The following PRKD1 variants were observed in gnomAD, a reference collection of about 807,000 sequenced individuals.
PRKD1 encodes the protein protein kinase D1, also known as serine/threonine-protein kinase D1.
A neutral mutation model predicts 95.9 loss-of-function variants in PRKD1; 63 were observed. That is an observed-to-expected ratio of 0.66 (90% confidence interval 0.54 to 0.81). PRKD1 has a LOEUF of 0.81. PRKD1 is among the 30% of genes least tolerant of loss of function. The pLI is 0.00. For missense variants in PRKD1, 1,048 were observed against 1,165.3 expected (o/e 0.90, Z 1.47); for synonymous variants, 425 against 423.1 (o/e 1.00, Z -0.05).
Position 29,878,768 on chromosome 14 carries a change from G to A in PRKD1, c.264+48481C>T, listed in dbSNP as rs1378847348. ...GGGGCTGAAGGGAGGACAGGAATGGGGAATTATTGCTTAATAGGTACACAA... is the reference window on the plus strand; with the variant it reads ...GGGGCTGAAGGGAGGACAGGAATGGAGAATTATTGCTTAATAGGTACACAA... On this transcript the variant is annotated intron_variant, in intron 1 of 17. Coordinates refer to ENST00000331968, the MANE Select transcript of PRKD1 (RefSeq NM_002742.3). Among the ~76,000 whole-genome samples, 6 of 152,038 alleles carry A rather than the reference G, an allele frequency of 3.9e-5. 1 individual carries two copies. The South Asian group carries it at 6.2e-4, about 16-fold the overall frequency.
intron 1 of PRKD1, among the ~76,000 whole-genome samples, chr14:29,912,536 A>G (rs1894752030): frequency 6.6e-6 from 1 of 152,228 alleles, no homozygotes. Context: ...TAATAGGTAT[A>G]ACTCACATAT....
chr14:29,659,875 A>G (rs1882095407), intron 4 of PRKD1, among the ~76,000 whole-genome samples: 1 of 152,154 alleles, frequency 6.6e-6, no homozygotes, highest in Admixed American at 6.5e-5. Context: ...TGTATTGAAA[A>G]TGTCTTCTCC....
chr14:29,883,345 C>A (rs1464436593), intron 1 of PRKD1, among the ~76,000 whole-genome samples: 2 of 152,134 alleles, frequency 1.3e-5, no homozygotes, highest in African/African-American at 4.8e-5. Context: ...ACAGTGTCTC[C>A]AGTTTCTTTC....
intron 1 of PRKD1, among the ~76,000 whole-genome samples, chr14:29,802,115 G>T (rs910489355): frequency 6.6e-6 from 1 of 152,040 alleles, no homozygotes; most frequent in African/African-American, 2.4e-5. Context: ...GAGAGAGGGT[G>T]GGAAAGAGGG....
chr14:29,677,115 T>C (rs912982632), intron 2 of PRKD1, among the ~76,000 whole-genome samples: 5 of 152,210 alleles, frequency 3.3e-5, no homozygotes, highest in Admixed American at 3.3e-4. Context: ...ATAGCCGGTA[T>C]ATACAACATA....
intron 4 of PRKD1, among the ~76,000 whole-genome samples, chr14:29,649,710 T>C (rs1881366965): frequency 6.6e-6 from 1 of 152,234 alleles, no homozygotes; most frequent in Non-Finnish European, 1.5e-5. Context: ...GTTATTTTAA[T>C]TCATACAGGG....
At chr14:29,784,330 C>A (rs904850746) in intron 1 of PRKD1, among the ~76,000 whole-genome samples, 3 of 152,040 alleles carry the variant, frequency 2.0e-5, no homozygotes, top group African/African-American at 7.2e-5. Context: ...TAGTGTGATG[C>A]CTCCAGCTTT....
intron 1 of PRKD1, among the ~76,000 whole-genome samples, chr14:29,802,134 A>C (rs528160928): frequency 1.1e-4 from 16 of 152,298 alleles, no homozygotes; most frequent in African/African-American, 3.6e-4. Flanking sequence ...GGAAGGAGAG[A>C]ATTAATAAAT....
At chr14:29,648,642 T>G (rs1457192847) in intron 4 of PRKD1, among the ~76,000 whole-genome samples, 1 of 152,154 alleles carries the variant, frequency 6.6e-6, no homozygotes, top group African/African-American at 2.4e-5. Context: ...ACAAAGTCTT[T>G]TATAAAACTG....
chr14:29,821,472 G>C (rs568275690), intron 1 of PRKD1, among the ~76,000 whole-genome samples: 2 of 152,144 alleles, frequency 1.3e-5, no homozygotes, highest in Non-Finnish European at 1.5e-5. Context: ...CCTGTTTTCT[G>C]TTCTATCTGA....
intron 13 of PRKD1, among the ~76,000 whole-genome samples, chr14:29,608,526 A>G (rs751317917): frequency 1.4e-4 from 21 of 152,160 alleles, no homozygotes; most frequent in Non-Finnish European, 2.5e-4. Flanking sequence ...AGCCCAAATT[A>G]TACATTTTTC....
At position 29,826,772 on chromosome 14, in the gene PRKD1, CAT is replaced by C. The variant is rs1292508352; in HGVS notation, c.264+100475_264+100476del. On this transcript the variant is annotated intron_variant, in intron 1 of 17. Coordinates refer to ENST00000331968, the MANE Select transcript of PRKD1 (RefSeq NM_002742.3). The stretch of plus-strand genomic sequence containing the variant: ...ATATATATATACATATATATATACA[CAT>C]ATATATACATATATACACATATATA... 1.6e-3 allele frequency among the ~76,000 whole-genome samples: 34 copies of C among 21,208 alleles called. 5 individuals carry two copies. The East Asian group carries it at 0.016, about 10-fold the overall frequency. 13.9% of individuals were successfully genotyped at this position (21,208 alleles called of 152,430 possible).
At chr14:29,761,497 G>GT (rs953139282) in intron 1 of PRKD1, among the ~76,000 whole-genome samples, 3 of 152,142 alleles carry the variant, frequency 2.0e-5, no homozygotes, top group African/African-American at 7.2e-5. Flanking sequence ...GGTGTTTTCA[G>GT]TATCTGCTGA....
At chr14:29,790,198 G>A (rs1889474290) in intron 1 of PRKD1, among the ~76,000 whole-genome samples, 1 of 151,358 alleles carries the variant, frequency 6.6e-6, no homozygotes, top group Non-Finnish European at 1.5e-5. Flanking sequence ...TTTTAGTAGA[G>A]ATGAGGTTTC....
chr14:29,696,548 T>C (rs943761321), intron 2 of PRKD1, among the ~76,000 whole-genome samples: 1 of 152,170 alleles, frequency 6.6e-6, no homozygotes, highest in Non-Finnish European at 1.5e-5. Context: ...TAAAGTTAGA[T>C]AGTGATGACT....
At chr14:29,699,221 T>G (rs1018564172) in intron 2 of PRKD1, among the ~76,000 whole-genome samples, 1 of 152,216 alleles carries the variant, frequency 6.6e-6, no homozygotes, top group African/African-American at 2.4e-5. Context: ...TTACAATTTT[T>G]GAAAAGTACT....
intron 1 of PRKD1, among the ~76,000 whole-genome samples, chr14:29,870,251 C>T (rs1321564542): frequency 6.6e-6 from 1 of 152,190 alleles, no homozygotes; most frequent in East Asian, 1.9e-4. Flanking sequence ...AGGAGCTGCA[C>T]ACAGTTGCAT....
rs531342303 is a variant in PRKD1, at chr14:29,701,935, G to A, written c.403+23601C>T. 5.3e-5 allele frequency among the ~76,000 whole-genome samples: 8 copies of A among 152,198 alleles called. No individual in the cohort carries two copies. In the East Asian group the frequency reaches 1.2e-3, roughly 22 times the overall value. ...CACAAGAGCCCAAAATTGGGATACC[G>A]AAGATATTCTTTCACATTTCCCCTT... On this transcript the variant is annotated intron_variant, in intron 2 of 17. Transcript: ENST00000331968.
At chr14:29,842,250 C>G (rs563908608) in intron 1 of PRKD1, among the ~76,000 whole-genome samples, 1 of 152,296 alleles carries the variant, frequency 6.6e-6, no homozygotes, top group Admixed American at 6.5e-5. Context: ...TATAGTATAG[C>G]AAATACATAA....
Sources: allele counts gnomAD v4.1 joint callset (sites outside exome capture counted in the v4.1 genomes callset), GRCh38; gene constraint gnomAD v4.1.1; transcripts MANE v1.5; gene names NCBI Gene and HGNC (gene_info 2026-07-23, HGNC 2026-07-21).